CLSTN2: variants seen among roughly 807,000 people sequenced by gnomAD.
The protein encoded by CLSTN2 is calsyntenin-2.
A neutral mutation model predicts 101.2 loss-of-function variants in CLSTN2; 48 were observed. The ratio of observed to expected loss-of-function variants is 0.47; its 90% confidence interval spans 0.38 to 0.60. The LOEUF (loss-of-function observed/expected upper bound fraction) is 0.60, where lower values mean the gene tolerates loss of function less well. CLSTN2 is among the 20% of genes least tolerant of loss of function. CLSTN2 has a pLI of 0.00. For missense variants in CLSTN2, 1,160 were observed against 1,238.2 expected (o/e 0.94, Z 0.95); for synonymous variants, 481 against 463.6 (o/e 1.04, Z -0.48).
intron 2 of CLSTN2, among the ~76,000 whole-genome samples, chr3:140,358,414 A>T (rs1330308517): frequency 6.6e-6 from 1 of 152,152 alleles, no homozygotes; most frequent in Non-Finnish European, 1.5e-5. Context: ...TTCATCCATA[A>T]AATGCCTGAA....
Position 140,567,483 on chromosome 3 carries a change from C to G in CLSTN2, c.*1230C>G, listed in dbSNP as rs1464197144. On this transcript the variant is annotated 3_prime_UTR_variant, in exon 17 of 17. Coordinates refer to ENST00000458420, the MANE Select transcript of CLSTN2 (RefSeq NM_022131.3). Reference sequence around the variant, plus strand: ...GATAGAGGGCAAATATATCTGAAAACCTAATTTCTTTCTTTTTTTGATAAG... The same window carrying G: ...GATAGAGGGCAAATATATCTGAAAAGCTAATTTCTTTCTTTTTTTGATAAG... The G allele has an allele frequency of 6.6e-6, 1 of 152,166 alleles. No homozygotes were observed. The highest frequency in any genetic ancestry group is 1.5e-5 in the Non-Finnish European group (1 of 68,034). 9.4% of individuals were successfully genotyped at this position (152,166 alleles called of 1,614,324 possible). A position where few individuals can be genotyped will look rare whatever the true frequency, so the allele number is the denominator to read the frequency against.
chr3:140,175,729 CTGT>C (rs2010312980), intron 1 of CLSTN2, among the ~76,000 whole-genome samples: 1 of 152,196 alleles, frequency 6.6e-6, no homozygotes. Context: ...ATAGTCAATG[CTGT>C]CTCTCACCTT....
At chr3:140,076,596 T>A (rs948355998) in intron 1 of CLSTN2, among the ~76,000 whole-genome samples, 44 of 146,590 alleles carry the variant, frequency 3.0e-4, no homozygotes, top group Middle Eastern at 7.2e-3. Flanking sequence ...CCCAACTTTG[T>A]GGTCAATGAC....
chr3:140,233,652 G>A (rs1180242125), intron 2 of CLSTN2, among the ~76,000 whole-genome samples: 1 of 152,150 alleles, frequency 6.6e-6, no homozygotes, highest in African/African-American at 2.4e-5. Flanking sequence ...GCCATAAATG[G>A]TCTCATACTC....
chr3:140,512,257 T>G (rs1233733413), intron 8 of CLSTN2, among the ~76,000 whole-genome samples: 1 of 152,132 alleles, frequency 6.6e-6, no homozygotes, highest in African/African-American at 2.4e-5. Flanking sequence ...TCTTCTAGGG[T>G]TTTTATAGTT....
chr3:139,936,205 C>A (rs973158748), intron 1 of CLSTN2, among the ~76,000 whole-genome samples: 2 of 152,202 alleles, frequency 1.3e-5, no homozygotes. Flanking sequence ...TCCAAGCGAA[C>A]GCCTGGCTCT....
At chr3:140,314,953 C>G (rs1415834440) in intron 2 of CLSTN2, among the ~76,000 whole-genome samples, 2 of 152,190 alleles carry the variant, frequency 1.3e-5, no homozygotes, top group Admixed American at 1.3e-4. Context: ...AAGCAAGCAC[C>G]AGAGAAATAT....
chr3:140,303,278 G>A (rs2087077874), intron 2 of CLSTN2, among the ~76,000 whole-genome samples: 1 of 152,212 alleles, frequency 6.6e-6, no homozygotes, highest in African/African-American at 2.4e-5. Context: ...CCAAGATGTG[G>A]TCTCTCTCAT....
intron 2 of CLSTN2, among the ~76,000 whole-genome samples, chr3:140,375,884 G>A (rs886343266): frequency 5.9e-5 from 9 of 151,958 alleles, no homozygotes; most frequent in African/African-American, 2.2e-4. Context: ...TAGTTGTGAG[G>A]GTTTTAGAAA....
chr3:140,023,281 A>G (rs146037162), intron 1 of CLSTN2, among the ~76,000 whole-genome samples: 26 of 152,276 alleles, frequency 1.7e-4, no homozygotes, highest in African/African-American at 6.3e-4. Context: ...GGAGGCTTAG[A>G]CATGGGAGGC....
intron 1 of CLSTN2, among the ~76,000 whole-genome samples, chr3:139,940,405 A>T (rs1229931360): frequency 6.6e-6 from 1 of 152,168 alleles, no homozygotes; most frequent in African/African-American, 2.4e-5. Flanking sequence ...TAAAATGGGG[A>T]TACAGAGATC....
intron 1 of CLSTN2, among the ~76,000 whole-genome samples, chr3:140,140,300 G>A (rs959575933): frequency 2.0e-5 from 3 of 152,142 alleles, no homozygotes; most frequent in African/African-American, 4.8e-5. Context: ...AGTTCTGCAA[G>A]CCGTACAAGA....
chr3:139,991,943 A>G (rs1936122376), intron 1 of CLSTN2, among the ~76,000 whole-genome samples: 1 of 151,996 alleles, frequency 6.6e-6, no homozygotes, highest in African/African-American at 2.4e-5. Context: ...AGAGGGATTT[A>G]CTCCACAGCA....
At chr3:140,544,681 T>C (rs1935551640) in intron 9 of CLSTN2, among the ~76,000 whole-genome samples, 1 of 151,844 alleles carries the variant, frequency 6.6e-6, no homozygotes, top group Non-Finnish European at 1.5e-5. Flanking sequence ...GAAGGGTATG[T>C]TAAAATGAAC....
chr3:140,363,411 G>A (rs1243505848), intron 2 of CLSTN2, among the ~76,000 whole-genome samples: 1 of 152,210 alleles, frequency 6.6e-6, no homozygotes, highest in African/African-American at 2.4e-5. Flanking sequence ...TTGGATTTTG[G>A]TGACAGTTAC....
chr3:140,501,960 A>G (rs552771872), intron 8 of CLSTN2, among the ~76,000 whole-genome samples: 27 of 152,228 alleles, frequency 1.8e-4, no homozygotes, highest in Non-Finnish European at 3.5e-4. Context: ...ACACAAACTC[A>G]TTGTGTGACC....
intron 1 of CLSTN2, among the ~76,000 whole-genome samples, chr3:140,082,672 A>T (rs928375212): frequency 6.6e-6 from 1 of 152,064 alleles, no homozygotes; most frequent in African/African-American, 2.4e-5. Context: ...TTGCTCTGTC[A>T]CCATCCCCTT....
chr3:140,532,656 C>T (rs568334959), intron 9 of CLSTN2, among the ~76,000 whole-genome samples, 170 bp downstream of exon 9: 228 of 152,234 alleles, frequency 1.5e-3, no homozygotes, highest in African/African-American at 5.1e-3. Flanking sequence ...ACAAACTAAA[C>T]GTATTGTATA....
chr3:140,414,697 C>T (rs1233300095), intron 4 of CLSTN2, among the ~76,000 whole-genome samples: 1 of 151,720 alleles, frequency 6.6e-6, no homozygotes, highest in Non-Finnish European at 1.5e-5. Flanking sequence ...CCACTTGTAC[C>T]CCTAAAACTA....
Sources: allele counts gnomAD v4.1 joint callset (sites outside exome capture counted in the v4.1 genomes callset), GRCh38; gene constraint gnomAD v4.1.1; transcripts MANE v1.5; gene names NCBI Gene and HGNC (gene_info 2026-07-23, HGNC 2026-07-21).